ARMC2: variants seen among roughly 807,000 people sequenced by gnomAD.
ARMC2 encodes armadillo repeat containing 2.
In ARMC2, 67 loss-of-function variants were observed where a neutral mutation model predicts 90.3. The ratio of observed to expected loss-of-function variants is 0.74; its 90% CI spans 0.61 to 0.91. The LOEUF (loss-of-function observed/expected upper bound fraction) is 0.91, where lower values mean the gene tolerates loss of function less well. Among genes scored for constraint, ARMC2 ranks in the 40% least tolerant of loss-of-function variants. The pLI, the probability that ARMC2 is intolerant of heterozygous loss-of-function variation, is 0.00. For synonymous variants in ARMC2, 393 were observed against 393.0 expected, an observed-to-expected ratio of 1.00 and a Z score of 0.00; for missense variants, 920 against 1,030.9, an observed-to-expected ratio of 0.89 and a Z score of 1.47.
chr6:108,925,931 T>C (rs2754822), intron 10 of ARMC2, among the ~76,000 whole-genome samples: 113,754 of 152,048 alleles, frequency 0.75, 42,842 homozygotes, highest in Middle Eastern at 0.82. Context: ...TTGGGTTATT[T>C]ATGAAAGTTA....
intron 12 of ARMC2, among the ~76,000 whole-genome samples, chr6:108,948,589 G>A (rs898929826): frequency 2.0e-5 from 3 of 150,268 alleles, no homozygotes; most frequent in South Asian, 2.1e-4. Flanking sequence ...TTGGCACCGC[G>A]GCTGCCAGGA....
At chr6:108,884,413 A>G (rs1777880878) in intron 5 of ARMC2, among the ~76,000 whole-genome samples, 1 of 152,220 alleles carries the variant, frequency 6.6e-6, no homozygotes, top group Non-Finnish European at 1.5e-5. Flanking sequence ...ATGAACTCAA[A>G]TGCTGGAGGA....
chr6:109,039,045 AG>A, the ARMC2 span, among the ~76,000 whole-genome samples: 1 of 115,724 alleles, frequency 8.6e-6, no homozygotes, highest in Non-Finnish European at 1.8e-5. Flanking sequence ...AAGAAGAAGG[AG>A]GGAGAAGGAG....
chr6:108,971,364 C>T (rs908692573), intron 17 of ARMC2, among the ~76,000 whole-genome samples: 1 of 152,160 alleles, frequency 6.6e-6, no homozygotes, highest in African/African-American at 2.4e-5. Context: ...TCCAGGTTTG[C>T]TTACAGGGTC....
chr6:109,003,815 C>A, the ARMC2 span, among the ~76,000 whole-genome samples: 1 of 152,156 alleles, frequency 6.6e-6, no homozygotes, highest in Admixed American at 6.5e-5. Flanking sequence ...CTTAGCTTTT[C>A]TAACTGCTGA....
At chr6:108,850,577 G>A (rs564733718) in intron 1 of ARMC2, among the ~76,000 whole-genome samples, 2 of 152,284 alleles carry the variant, frequency 1.3e-5, no homozygotes, top group South Asian at 4.1e-4. Flanking sequence ...GCAAGACAGG[G>A]AAAGGAGGCT....
At chr6:109,046,277 G>A in the ARMC2 span, among the ~76,000 whole-genome samples, 1 of 151,556 alleles carries the variant, frequency 6.6e-6, no homozygotes, top group Non-Finnish European at 1.5e-5. Context: ...TGGAGACGGG[G>A]TTTCGCTGTG....
In ARMC2 at chr6:108,886,884, T is replaced by G. The variant is rs776300512; in HGVS notation, c.672-7583T>G. Among the ~76,000 whole-genome samples, 5 of 80,350 alleles carry G rather than the reference T, an allele frequency of 6.2e-5. No individual in the cohort carries two copies. The South Asian group carries it at 8.9e-4, about 14-fold the overall frequency. The allele number at this position is 80,350 out of a possible 152,430, so 52.7% of individuals were successfully genotyped here. ...TTATAGCAAAGTCTGAATTTTATAG[T>G]TTTTTTTTTGTTTGTTTGTTTTGTT... On this transcript the variant is annotated intron_variant, in intron 5 of 17. Transcript: ENST00000392644.
intron 5 of ARMC2, among the ~76,000 whole-genome samples, chr6:108,887,091 A>C (rs567679876): frequency 1.3e-5 from 2 of 152,102 alleles, no homozygotes; most frequent in African/African-American, 4.8e-5. Context: ...TATTTTTAGT[A>C]GAGATGTGGT....
chr6:108,998,406 C>T, the ARMC2 span: 38 of 1,362,248 alleles, frequency 2.8e-5, no homozygotes, highest in Non-Finnish European at 3.7e-5. Flanking sequence ...CCCAATATCT[C>T]CACAGTCTTA....
intron 8 of ARMC2, among the ~76,000 whole-genome samples, chr6:108,904,670 G>A (rs1772492880): frequency 6.6e-6 from 1 of 150,990 alleles, no homozygotes; most frequent in East Asian, 1.9e-4. Context: ...AGAAGAAGAA[G>A]AAGGAAGGAA....
chr6:108,890,908 C>T (rs1433933213), intron 5 of ARMC2, among the ~76,000 whole-genome samples: 1 of 149,164 alleles, frequency 6.7e-6, no homozygotes. Context: ...CTCCCCTAGC[C>T]CCCCACCCCC....
the ARMC2 span, chr6:109,009,393 C>CAGCA: frequency 6.8e-7 from 1 of 1,462,088 alleles, no homozygotes; most frequent in Non-Finnish European, 9.0e-7. Context: ...GCACTGCTTG[C>CAGCA]AGCCCAGCAG....
chr6:109,026,222 A>T, the ARMC2 span, among the ~76,000 whole-genome samples: 1 of 152,212 alleles, frequency 6.6e-6, no homozygotes, highest in Non-Finnish European at 1.5e-5. Context: ...AACACATTTT[A>T]AGAGACAAAA....
At chr6:108,963,611 A>C (rs765501096) in intron 15 of ARMC2, among the ~76,000 whole-genome samples, 2 of 152,212 alleles carry the variant, frequency 1.3e-5, no homozygotes, top group Non-Finnish European at 2.9e-5. Context: ...AAAACAGGAC[A>C]AACAGTTCCC....
chr6:108,972,933 G>T (rs1249847119), intron 17 of ARMC2, among the ~76,000 whole-genome samples: 1 of 151,328 alleles, frequency 6.6e-6, no homozygotes, highest in East Asian at 1.9e-4. Flanking sequence ...CTCCCAATGT[G>T]TTGGCATTAC....
chr6:108,929,583 G>A (rs1203914415), intron 11 of ARMC2, among the ~76,000 whole-genome samples: 1 of 152,042 alleles, frequency 6.6e-6, no homozygotes, highest in Non-Finnish European at 1.5e-5. Context: ...TTAAACGATC[G>A]ATCCTCCCAC....
At chr6:108,906,640 C>T (rs1041648892) in intron 8 of ARMC2, among the ~76,000 whole-genome samples, 6 of 152,132 alleles carry the variant, frequency 3.9e-5, no homozygotes, top group African/African-American at 1.4e-4. Context: ...CACCACCACA[C>T]CTGGCTAATT....
chr6:108,950,379 T>G (rs968687579), intron 12 of ARMC2, among the ~76,000 whole-genome samples: 2 of 152,194 alleles, frequency 1.3e-5, no homozygotes, highest in Non-Finnish European at 2.9e-5. Flanking sequence ...AACGTAAATG[T>G]CTATCAATGG....
Sources: allele counts gnomAD v4.1 joint callset (sites outside exome capture counted in the v4.1 genomes callset), GRCh38; gene constraint gnomAD v4.1.1; transcripts MANE v1.5; gene names NCBI Gene and HGNC (gene_info 2026-07-23, HGNC 2026-07-21).